RARS2: variants seen among roughly 807,000 people sequenced by gnomAD.
RARS2 encodes the protein arginyl-tRNA synthetase 2, mitochondrial.
In RARS2, 67 loss-of-function variants were observed where a neutral mutation model predicts 88.5. The ratio of observed to expected loss-of-function variants is 0.76; its 90% confidence interval spans 0.62 to 0.93. The LOEUF (loss-of-function observed/expected upper bound fraction) is 0.93. Ranked by LOEUF, RARS2 falls within the 40% of genes least tolerant of loss-of-function variation. The pLI is 0.00. For synonymous variants in RARS2, 239 were observed against 230.3 expected, an observed-to-expected ratio of 1.04 and a Z score of -0.34; for missense variants, 664 against 684.2, an observed-to-expected ratio of 0.97 and a Z score of 0.33.
chr6:87,525,384 G>A (rs1775328088), intron 10 of RARS2, among the ~76,000 whole-genome samples: 1 of 151,942 alleles, frequency 6.6e-6, no homozygotes, highest in African/African-American at 2.4e-5. Context: ...GTCTCTGCAG[G>A]CAACATAATC....
At position 87,514,015 on chromosome 6, in the gene RARS2, T is replaced by A. The variant is rs1050320506; in HGVS notation, c.*398A>T. On this transcript the variant is annotated 3_prime_UTR_variant, in exon 20 of 20. Transcript: ENST00000369536. The stretch of plus-strand genomic sequence containing the variant: ...ATTTAATACAGATTCTGACACAGAA[T>A]AATAGTTTAACTTTGGCTGGGCGTG... Among the ~76,000 whole-genome samples, 9 of 152,188 alleles carry A rather than the reference T, an allele frequency of 5.9e-5. No homozygotes were observed. The highest frequency in any genetic ancestry group is 2.2e-4 in the African/African-American group (9 of 41,450).
At chr6:87,543,139 T>TA (rs113219196) in intron 7 of RARS2, among the ~76,000 whole-genome samples, 19,765 of 151,006 alleles carry the variant, frequency 0.13, 1,435 homozygotes, top group African/African-American at 0.19. Flanking sequence ...CTGTCTCTAC[T>TA]AAAAAAATAC....
chr6:87,545,063 C>G (rs979762251), intron 7 of RARS2, among the ~76,000 whole-genome samples: 9 of 151,898 alleles, frequency 5.9e-5, no homozygotes, highest in Admixed American at 1.3e-4. Flanking sequence ...GGCAATTTCT[C>G]TTTATTAAAA....
Position 87,520,222 on chromosome 6 carries a change from A to G in RARS2, c.1070T>C (p.Val357Ala). 1.2e-6 allele frequency: 2 copies of G among 1,613,446 alleles called. No homozygotes were observed. The highest frequency in any genetic ancestry group is 4.5e-5 in the East Asian group (2 of 44,864). Residue 357 changes from valine (V) to alanine (A), a missense_variant, in exon 13 of 20, where the codon GTA (valine) becomes GCA (alanine). Physicochemically the swap from Val to Ala is moderately conservative, Grantham distance 64. Transcript: ENST00000369536. ...TCCCATGATCTTCAGCATTTGGAAT[A>G]CTTGCTGAAAATGCTTTTTTTGTCC... ...DKGQKKHFQQ[V>A]FQMLKIMGYD... is the part of the protein sequence containing the mutation.
intron 1 of RARS2, among the ~76,000 whole-genome samples, chr6:87,575,778 T>C (rs746024423): frequency 2.6e-5 from 4 of 151,810 alleles, no homozygotes; most frequent in Admixed American, 6.6e-5. Context: ...CACTCAGCAA[T>C]AAAATCAAAG....
chr6:87,569,406 A>AT, intron 2 of RARS2, 111 bp downstream of exon 2: 1 of 808,982 alleles, frequency 1.2e-6, no homozygotes, highest in Non-Finnish European at 2.1e-6. Flanking sequence ...CTTACAGTTA[A>AT]TTTCAAGGAC....
intron 8 of RARS2, among the ~76,000 whole-genome samples, chr6:87,540,027 C>T (rs62417674): frequency 0.032 from 4,874 of 152,116 alleles, 106 homozygotes; most frequent in Middle Eastern, 0.054. Context: ...TCCTCCCTAT[C>T]AATAAAACTC....
At chr6:87,588,594 C>T (rs921019281) in intron 1 of RARS2, among the ~76,000 whole-genome samples, 2 of 152,094 alleles carry the variant, frequency 1.3e-5, no homozygotes, top group Admixed American at 6.5e-5. Flanking sequence ...ACGCTGGTCT[C>T]GAACTCCTGG....
intron 1 of RARS2, among the ~76,000 whole-genome samples, chr6:87,586,094 C>G (rs908674658): frequency 6.6e-5 from 10 of 152,104 alleles, no homozygotes; most frequent in Non-Finnish European, 7.3e-5. Context: ...TAGATGTCAC[C>G]TTTCTTGATA....
chr6:87,549,569 G>A (rs888194508), intron 5 of RARS2, among the ~76,000 whole-genome samples: 6 of 149,990 alleles, frequency 4.0e-5, no homozygotes, highest in Admixed American at 1.3e-4. Flanking sequence ...AAAAAAACAT[G>A]TAAAAATATT....
At chr6:87,553,708 C>T (rs1162134136) in intron 5 of RARS2, among the ~76,000 whole-genome samples, 2 of 152,206 alleles carry the variant, frequency 1.3e-5, no homozygotes, top group Non-Finnish European at 2.9e-5. Context: ...GGCAAATTTC[C>T]TTAGGAGATG....
In RARS2 at chr6:87,548,611, T is replaced by C. The variant is rs1783351454; in HGVS notation, c.431A>G (p.His144Arg). The C allele has an allele frequency of 1.2e-6, 2 of 1,613,182 alleles. No homozygotes were observed. Among genetic ancestry groups the C allele is most frequent in the Non-Finnish European group, 1.7e-6 (2 of 1,179,670 alleles). Residue 144 changes from histidine to arginine, a missense_variant, in exon 6 of 20, where the codon CAT becomes CGT. Coordinates refer to ENST00000369536, the MANE Select transcript of RARS2 (RefSeq NM_020320.5). ...CTTACCTATGATGGTAGAACGCAAA[T>C]GTCCAACATGAAATTTTTTGGCAAC... The part of the protein sequence containing the change: ...PNVAKKFHVG[H>R]LRSTIIGNFI...
At position 87,522,190 on chromosome 6, in the gene RARS2, C is replaced by T. The variant is rs1352543377; in HGVS notation, c.975-666G>A. On this transcript the variant is annotated intron_variant, in intron 11 of 19. Coordinates refer to ENST00000369536, the MANE Select transcript of RARS2 (RefSeq NM_020320.5). ...ACTAAAAATACAAAAATTAGCTGGGCGTGGTGGCGCACGCCTGTAATCCCA... is the reference window on the plus strand; with the variant it reads ...ACTAAAAATACAAAAATTAGCTGGGTGTGGTGGCGCACGCCTGTAATCCCA... Among the ~76,000 whole-genome samples, 4 of 152,062 alleles carry T rather than the reference C, an allele frequency of 2.6e-5. No homozygotes were observed. The East Asian group carries it at 7.7e-4, about 29-fold the overall frequency.
chr6:87,565,127 T>A (rs546134383), intron 2 of RARS2, among the ~76,000 whole-genome samples: 17 of 152,264 alleles, frequency 1.1e-4, no homozygotes, highest in Admixed American at 7.2e-4. Context: ...GCAAGCTAAA[T>A]GTCTCCTTTA....
intron 1 of RARS2, among the ~76,000 whole-genome samples, chr6:87,571,057 A>G (rs995347111): frequency 1.3e-5 from 2 of 152,170 alleles, no homozygotes; most frequent in Admixed American, 6.5e-5. Flanking sequence ...CCCCTATGCC[A>G]TATTGATATG....
chr6:87,545,690 A>G lies in RARS2; in HGVS notation c.461T>C (p.Ile154Thr), dbSNP rs1782419853. ...TCCTAAAGCTTCTTTGAGATTTGCT[A>G]TAAAATTTCCTAGTAATCAATAAAG... The part of the protein sequence containing the change: ...HLRSTIIGNF[I>T]ANLKEALGHQ... The change falls in exon 7 of 20, where the codon ATA (isoleucine) becomes ACA (threonine). Residue 154 changes from isoleucine to threonine, a missense_variant. Coordinates refer to ENST00000369536, the MANE Select transcript of RARS2 (RefSeq NM_020320.5). 6.2e-7 allele frequency: 1 copy of G among 1,613,100 alleles called. No individual in the cohort carries two copies.
Position 87,524,610 on chromosome 6 carries a change from G to A in RARS2, c.921C>T (p.Pro307=), listed in dbSNP as rs1775064302. 1 of 1,613,346 alleles carries A rather than the reference G, an allele frequency of 6.2e-7. No homozygotes were observed. The highest frequency in any genetic ancestry group is 1.7e-5 in the Admixed American group (1 of 60,000). The part of the protein sequence containing the change: ...AVVDLSGNGD[P]SSICTVMRSD... ...TTCGCATTACAGTACAAATTGAGGAGGGGTCGCCATTCCCAGAGAGATCTA... is the reference window on the plus strand; with the variant it reads ...TTCGCATTACAGTACAAATTGAGGAAGGGTCGCCATTCCCAGAGAGATCTA... The change falls in exon 11 of 20, where the codon CCC becomes CCT. Residue 307 remains proline (P), a synonymous_variant. Coordinates refer to ENST00000369536, the MANE Select transcript of RARS2 (RefSeq NM_020320.5).
At chr6:87,550,953 T>A (rs149147673) in intron 5 of RARS2, among the ~76,000 whole-genome samples, 2 of 152,244 alleles carry the variant, frequency 1.3e-5, no homozygotes, top group African/African-American at 4.8e-5. Flanking sequence ...GGGGAAGAGC[T>A]TTCCTTTTCA....
intron 8 of RARS2, 75 bp downstream of exon 8, chr6:87,541,843 C>T: frequency 1.7e-6 from 2 of 1,168,598 alleles, no homozygotes; most frequent in Non-Finnish European, 1.3e-6. Context: ...AAAAATAAAC[C>T]TCTGGGATTA....
Sources: gnomAD v4.1 joint callset for allele counts (sites outside exome capture counted in the v4.1 genomes callset) on GRCh38, gnomAD v4.1.1 for gene constraint, MANE v1.5 for transcripts, NCBI Gene and HGNC (gene_info 2026-07-23, HGNC 2026-07-21) for gene names.